RBFOX1: variants seen among roughly 807,000 people sequenced by gnomAD.
RBFOX1 encodes RNA binding protein fox-1 homolog 1.
Under a neutral mutation model 57.7 loss-of-function variants are expected in RBFOX1, and 8 were observed. The observed-to-expected ratio is 0.14, with a 90% CI of 0.08 to 0.25. RBFOX1 has a LOEUF of 0.25. Among genes scored for constraint, RBFOX1 ranks in the 10% least tolerant of loss-of-function variants. The pLI, the probability that RBFOX1 is intolerant of heterozygous loss-of-function variation, is 1.00. For missense variants in RBFOX1, 611 were observed against 548.5 expected (o/e 1.11, Z -1.14); for synonymous variants, 326 against 222.4 (o/e 1.47, Z -4.15).
At chr16:7,525,585 C>A (rs916806548) in intron 5 of RBFOX1, among the ~76,000 whole-genome samples, 1 of 152,184 alleles carries the variant, frequency 6.6e-6, no homozygotes, top group African/African-American at 2.4e-5. Flanking sequence ...ACCCAATGTG[C>A]TAGCCAACTC....
At chr16:6,895,848 A>T (rs577570030) in intron 3 of RBFOX1, among the ~76,000 whole-genome samples, 1 of 152,078 alleles carries the variant, frequency 6.6e-6, no homozygotes, top group African/African-American at 2.4e-5. Flanking sequence ...CAGTGTTACC[A>T]TGTGTAAAAT....
At position 7,129,466 on chromosome 16, in the gene RBFOX1, A is replaced by G. The variant is rs189178564; in HGVS notation, c.27+77368A>G. 1.9e-3 allele frequency among the ~76,000 whole-genome samples: 284 copies of G among 152,188 alleles called. 1 individual carries two copies. Among genetic ancestry groups the G allele is most frequent in the African/African-American group, 6.5e-3 (271 of 41,540 alleles). Reference sequence around the variant, plus strand: ...ATCAGGTGACAAAATAATATCCCCCACTGATAGGGATATGGTAGGGGCAAT... The same window carrying G: ...ATCAGGTGACAAAATAATATCCCCCGCTGATAGGGATATGGTAGGGGCAAT... On this transcript the variant is annotated intron_variant, in intron 4 of 15. Coordinates refer to ENST00000550418, the MANE Select transcript of RBFOX1 (RefSeq NM_018723.4).
At chr16:7,294,616 G>A (rs149021205) in intron 4 of RBFOX1, among the ~76,000 whole-genome samples, 30 of 152,096 alleles carry the variant, frequency 2.0e-4, no homozygotes, top group Non-Finnish European at 3.7e-4. Flanking sequence ...TGCTCTAATT[G>A]AGTAAGGACA....
chr16:5,961,853 T>C (rs570303762), intron 4 of RBFOX1, among the ~76,000 whole-genome samples: 119 of 152,304 alleles, frequency 7.8e-4, no homozygotes, highest in African/African-American at 2.8e-3. Context: ...ACCTCCTTTA[T>C]CAGGTATAAC....
intron 1 of RBFOX1, among the ~76,000 whole-genome samples, chr16:6,186,121 A>AT (rs1254290231): frequency 1.3e-5 from 2 of 152,166 alleles, no homozygotes; most frequent in African/African-American, 2.4e-5. Context: ...ATATGAATTC[A>AT]TTTTTTTGGC....
intron 2 of RBFOX1, among the ~76,000 whole-genome samples, chr16:6,540,296 A>T (rs1014949054): frequency 7.6e-6 from 1 of 131,390 alleles, no homozygotes; most frequent in African/African-American, 2.7e-5. Flanking sequence ...GCCATCATAT[A>T]AGCTGGCTGG....
intron 1 of RBFOX1, among the ~76,000 whole-genome samples, chr16:5,381,464 G>A (rs761641247): frequency 1.3e-5 from 2 of 152,180 alleles, no homozygotes; most frequent in Non-Finnish European, 2.9e-5. Context: ...TAGGTCTGGG[G>A]CAGGGCTCAA....
intron 3 of RBFOX1, among the ~76,000 whole-genome samples, chr16:6,905,871 G>A (rs1394009925): frequency 6.6e-6 from 1 of 152,222 alleles, no homozygotes. Flanking sequence ...GCCCTCTGCT[G>A]ATCCCTGGAA....
At chr16:5,785,447 A>G (rs112398597) in intron 3 of RBFOX1, among the ~76,000 whole-genome samples, 1 of 151,586 alleles carries the variant, frequency 6.6e-6, no homozygotes, top group Non-Finnish European at 1.5e-5. Context: ...CGATCCTTCC[A>G]TTTTCTGTCC....
chr16:6,733,617 G>A (rs941610834), intron 3 of RBFOX1, among the ~76,000 whole-genome samples: 2 of 152,168 alleles, frequency 1.3e-5, no homozygotes, highest in Non-Finnish European at 2.9e-5. Flanking sequence ...AAGTAGCCAG[G>A]GGTGGTGGTG....
At chr16:7,509,410 G>A (rs1338920467) in intron 4 of RBFOX1, among the ~76,000 whole-genome samples, 5 of 149,954 alleles carry the variant, frequency 3.3e-5, no homozygotes, top group African/African-American at 7.6e-5. Flanking sequence ...GTGTGTGTGT[G>A]TGTGTGTGTG....
At chr16:6,005,447 T>C (rs1319038459) in intron 4 of RBFOX1, among the ~76,000 whole-genome samples, 1 of 152,202 alleles carries the variant, frequency 6.6e-6, no homozygotes. Context: ...CCCAAGGAGC[T>C]CATGGTCTAG....
chr16:5,800,021 T>G (rs1352100063), intron 3 of RBFOX1, among the ~76,000 whole-genome samples: 1 of 152,056 alleles, frequency 6.6e-6, no homozygotes, highest in African/African-American at 2.4e-5. Flanking sequence ...TTTCTCCTAT[T>G]AAGTGTATAT....
intron 3 of RBFOX1, among the ~76,000 whole-genome samples, chr16:7,008,269 C>T (rs1034370265): frequency 2.6e-5 from 4 of 152,030 alleles, no homozygotes; most frequent in Admixed American, 6.6e-5. Flanking sequence ...AGGCCAGGTG[C>T]GGTGGCTTAT....
intron 1 of RBFOX1, among the ~76,000 whole-genome samples, chr16:6,093,247 A>T (rs2096201706): frequency 6.6e-6 from 1 of 152,146 alleles, no homozygotes; most frequent in Non-Finnish European, 1.5e-5. Flanking sequence ...AACGAGCAAC[A>T]TGTTATTATT....
chr16:5,872,351 T>C (rs1017331521), intron 4 of RBFOX1, among the ~76,000 whole-genome samples: 5 of 152,228 alleles, frequency 3.3e-5, no homozygotes, highest in Non-Finnish European at 7.3e-5. Flanking sequence ...TCAAGTTACT[T>C]AACTGCTAAG....
intron 1 of RBFOX1, among the ~76,000 whole-genome samples, chr16:5,264,519 A>G (rs183353128): frequency 1.0e-3 from 159 of 152,372 alleles, no homozygotes; most frequent in Non-Finnish European, 1.9e-3. Context: ...AAAGACCACC[A>G]GCTGTCCTTT....
At chr16:7,000,187 A>G (rs1420849219) in intron 3 of RBFOX1, among the ~76,000 whole-genome samples, 3 of 152,154 alleles carry the variant, frequency 2.0e-5, no homozygotes, top group African/African-American at 7.2e-5. Context: ...AAGTACTGTC[A>G]TTAGCGTTAT....
Position 5,424,999 on chromosome 16 carries a change from T to TTTC in RBFOX1, c.220-42215_220-42214insCTT, listed in dbSNP as rs1220049418. ...CTTTCTTTTCTTTTCTTTTCTTTTC[T>TTTC]TTTCTTTTCTTTTCTTTCTTGATTC... On this transcript the variant is annotated intron_variant, in intron 1 of 2. Coordinates refer to the RBFOX1 transcript ENST00000585867. Among the ~76,000 whole-genome samples, 93 of 140,490 alleles carry TTTC rather than the reference T, an allele frequency of 6.6e-4. 2 individuals are homozygous for TTTC. Among genetic ancestry groups the TTTC allele is most frequent in the South Asian group, 3.1e-3 (13 of 4,250 alleles). The allele number at this position is 140,490 out of a possible 152,430, so 92.2% of individuals were successfully genotyped here.
Sources: allele counts gnomAD v4.1 joint callset (sites outside exome capture counted in the v4.1 genomes callset), GRCh38; gene constraint gnomAD v4.1.1; transcripts MANE v1.5; gene names NCBI Gene and HGNC (gene_info 2026-07-23, HGNC 2026-07-21).